Variants in SSBP2 observed in about 807,000 individuals in gnomAD.
The protein encoded by SSBP2 is single-stranded DNA-binding protein 2.
A neutral mutation model predicts 61.8 loss-of-function variants in SSBP2; 17 were observed. The observed-to-expected ratio is 0.28, with a 90% CI of 0.19 to 0.41. The LOEUF (loss-of-function observed/expected upper bound fraction) is 0.41. Ranked by LOEUF, SSBP2 falls within the 10% of genes least tolerant of loss-of-function variation. SSBP2 has a pLI of 1.00. For missense variants in SSBP2, 310 were observed against 458.7 expected (o/e 0.68, Z 2.96); for synonymous variants, 139 against 141.3 (o/e 0.98, Z 0.12).
At chr5:81,585,935 A>C (rs1233008591) in intron 4 of SSBP2, among the ~76,000 whole-genome samples, 1 of 152,052 alleles carries the variant, frequency 6.6e-6, no homozygotes, top group African/African-American at 2.4e-5. Context: ...TTAATATAAC[A>C]TCCTCCCGGT....
chr5:81,439,360 A>G (rs1453385510), intron 14 of SSBP2, among the ~76,000 whole-genome samples: 1 of 152,178 alleles, frequency 6.6e-6, no homozygotes, highest in Non-Finnish European at 1.5e-5. Context: ...TGAATGCAAA[A>G]CAAATATAAC....
At chr5:81,711,210 T>G (rs7728066) in intron 1 of SSBP2, among the ~76,000 whole-genome samples, 3,798 of 152,154 alleles carry the variant, frequency 0.025, 174 homozygotes, top group African/African-American at 0.087. Context: ...GTGCTTGTCT[T>G]TAAGAGCATC....
At chr5:81,652,784 C>G (rs893933002) in intron 1 of SSBP2, among the ~76,000 whole-genome samples, 1 of 151,362 alleles carries the variant, frequency 6.6e-6, no homozygotes, top group Non-Finnish European at 1.5e-5. Context: ...TTTTTGGGAA[C>G]GAGCTGTGTT....
intron 1 of SSBP2, among the ~76,000 whole-genome samples, chr5:81,710,358 T>C (rs904097313): frequency 1.3e-5 from 2 of 152,100 alleles, no homozygotes; most frequent in Non-Finnish European, 2.9e-5. Flanking sequence ...CAGTTTTACC[T>C]TCCAAATGAA....
chr5:81,653,708 G>A (rs978352727), intron 1 of SSBP2, among the ~76,000 whole-genome samples: 17 of 152,112 alleles, frequency 1.1e-4, no homozygotes, highest in Admixed American at 9.2e-4. Context: ...GTGATAATGA[G>A]CTTTTTTTCA....
chr5:81,467,680 TATTAG>T (rs1172812214), intron 8 of SSBP2, among the ~76,000 whole-genome samples: 5 of 152,026 alleles, frequency 3.3e-5, no homozygotes, highest in Admixed American at 2.6e-4. Context: ...ATGTACATGT[TATTAG>T]ATTAGTTTAG....
chr5:81,445,361 T>C (rs1003991563), intron 12 of SSBP2, among the ~76,000 whole-genome samples: 1 of 151,154 alleles, frequency 6.6e-6, no homozygotes, highest in South Asian at 2.1e-4. Flanking sequence ...TGTGGCAATT[T>C]CTGGTTTGAA....
chr5:81,593,069 T>G (rs548015945), intron 4 of SSBP2, among the ~76,000 whole-genome samples: 4 of 152,002 alleles, frequency 2.6e-5, no homozygotes, highest in Admixed American at 2.0e-4. Context: ...TCTGAACCAA[T>G]GGCAAAGAAG....
intron 1 of SSBP2, among the ~76,000 whole-genome samples, chr5:81,709,859 T>TG (rs1166079538): frequency 6.6e-6 from 1 of 152,026 alleles, no homozygotes; most frequent in African/African-American, 2.4e-5. Flanking sequence ...CTTTGCATGC[T>TG]ATTTAGAAGT....
At chr5:81,679,122 C>T (rs544541928) in intron 1 of SSBP2, among the ~76,000 whole-genome samples, 1 of 152,334 alleles carries the variant, frequency 6.6e-6, no homozygotes, top group East Asian at 1.9e-4. Flanking sequence ...CGATTCTCTG[C>T]CTCACCTTCC....
chr5:81,554,468 TTTAA>T (rs1159332925), intron 4 of SSBP2, among the ~76,000 whole-genome samples: 4 of 150,992 alleles, frequency 2.6e-5, no homozygotes, highest in South Asian at 4.1e-4. Context: ...TAATTATATA[TTTAA>T]TTAACACAAA....
intron 12 of SSBP2, among the ~76,000 whole-genome samples, chr5:81,446,006 C>T (rs1363010191): frequency 1.3e-5 from 2 of 152,082 alleles, no homozygotes; most frequent in East Asian, 3.9e-4. Flanking sequence ...TAACCTACAC[C>T]TTAAACATTA....
At chr5:81,533,248 T>C (rs752078997) in intron 4 of SSBP2, among the ~76,000 whole-genome samples, 30 of 151,710 alleles carry the variant, frequency 2.0e-4, no homozygotes, top group South Asian at 6.2e-4. Context: ...AAATCTCCAA[T>C]CATTTGGAAT....
intron 4 of SSBP2, among the ~76,000 whole-genome samples, chr5:81,586,658 G>A (rs1166964829): frequency 6.7e-6 from 1 of 149,788 alleles, no homozygotes; most frequent in Non-Finnish European, 1.5e-5. Context: ...AAATATAGGA[G>A]GCATGAGATT....
At chr5:81,543,437 T>C (rs887792733) in intron 4 of SSBP2, among the ~76,000 whole-genome samples, 2 of 152,090 alleles carry the variant, frequency 1.3e-5, no homozygotes, top group Non-Finnish European at 2.9e-5. Context: ...TCACTCAGAA[T>C]TGGGGGCTAA....
At chr5:81,686,865 AAAAAAAAGAAAAGAAAAGAAAAG>A (rs1752830658) in intron 1 of SSBP2, among the ~76,000 whole-genome samples, 1 of 111,318 alleles carries the variant, frequency 9.0e-6, no homozygotes, top group Non-Finnish European at 1.8e-5. Flanking sequence ...AAAAAAAAAA[AAAAAAAAGAAAAGAAAAGAAAAG>A]AAAAGAAAAG....
chr5:81,711,086 A>G (rs996569519), intron 1 of SSBP2, among the ~76,000 whole-genome samples: 19 of 152,082 alleles, frequency 1.2e-4, no homozygotes, highest in African/African-American at 4.3e-4. Flanking sequence ...CTTCCCTTTC[A>G]GGCATAAACT....
At chr5:81,731,394 A>G (rs1157907257) in intron 1 of SSBP2, among the ~76,000 whole-genome samples, 1 of 152,182 alleles carries the variant, frequency 6.6e-6, no homozygotes, top group African/African-American at 2.4e-5. Context: ...AAAACAATCC[A>G]TGCAACTGCC....
chr5:81,415,516 T>C lies in SSBP2; in HGVS notation c.*4988A>G, dbSNP rs747278547. 6.6e-6 allele frequency: 1 copy of C among 152,312 alleles called. No individual in the cohort carries two copies. The highest frequency in any genetic ancestry group is 1.9e-4 in the East Asian group (1 of 5,190). The allele number at this position is 152,312 out of a possible 1,614,324, so 9.4% of individuals were successfully genotyped here. On this transcript the variant is annotated 3_prime_UTR_variant, in exon 17 of 17. Coordinates refer to ENST00000320672, the MANE Select transcript of SSBP2 (RefSeq NM_012446.5). ...GTTGTATTATTGGTTTTTATTGTTATAAAAATTTTTTCCAATATTTTTTAT... is the reference window on the plus strand; with the variant it reads ...GTTGTATTATTGGTTTTTATTGTTACAAAAATTTTTTCCAATATTTTTTAT...
Sources: gnomAD v4.1 joint callset for allele counts (sites outside exome capture counted in the v4.1 genomes callset) on GRCh38, gnomAD v4.1.1 for gene constraint, MANE v1.5 for transcripts, NCBI Gene and HGNC (gene_info 2026-07-23, HGNC 2026-07-21) for gene names.